Variants in CNTN5 observed in about 807,000 individuals in gnomAD.
The protein encoded by CNTN5 is contactin-5.
A neutral mutation model predicts 129.1 loss-of-function variants in CNTN5; 77 were observed. The ratio of observed to expected loss-of-function variants is 0.60; its 90% CI spans 0.50 to 0.72. The LOEUF is 0.72. Ranked by LOEUF, CNTN5 falls within the 30% of genes least tolerant of loss-of-function variation. CNTN5 has a pLI of 0.00. For synonymous variants in CNTN5, 509 were observed against 465.6 expected, an observed-to-expected ratio of 1.09 and a Z score of -1.20; for missense variants, 1,478 against 1,328.8, an observed-to-expected ratio of 1.11 and a Z score of -1.75.
intron 3 of CNTN5, among the ~76,000 whole-genome samples, chr11:99,601,803 T>A (rs1950320037): frequency 6.6e-6 from 1 of 152,220 alleles, no homozygotes; most frequent in South Asian, 2.1e-4. Flanking sequence ...ACCTGGCAAC[T>A]AGCCATAAAA....
In CNTN5 at chr11:99,805,801, C is replaced by T. The variant is rs185099765; in HGVS notation, c.56-13743C>T. 8.2e-4 allele frequency among the ~76,000 whole-genome samples: 125 copies of T among 152,238 alleles called. 1 individual carries two copies. The highest frequency in any genetic ancestry group is 4.1e-4 in the Non-Finnish European group (28 of 68,000). On this transcript the variant is annotated intron_variant, in intron 3 of 24. Coordinates refer to ENST00000524871, the MANE Select transcript of CNTN5 (RefSeq NM_014361.4). Reference sequence around the variant, plus strand: ...AGGTAGCTGATAAATGTCATTGAGCCTTAGCCACTGACCAACTGTCATTTT... The same window carrying T: ...AGGTAGCTGATAAATGTCATTGAGCTTTAGCCACTGACCAACTGTCATTTT...
At chr11:99,578,532 C>G (rs990436197) in intron 3 of CNTN5, among the ~76,000 whole-genome samples, 30 of 151,016 alleles carry the variant, frequency 2.0e-4, no homozygotes, top group African/African-American at 5.4e-4. Context: ...TAACTGGTGT[C>G]AGATGGTATC....
chr11:99,779,829 A>G lies in CNTN5; in HGVS notation c.56-39715A>G, dbSNP rs1159163689. 3.9e-5 allele frequency among the ~76,000 whole-genome samples: 6 copies of G among 151,998 alleles called. No homozygotes were observed. The South Asian group carries it at 6.2e-4, about 16-fold the overall frequency. ...CTAAGAAATCATAATATGCAGAACT[A>G]TAAGTTCTCAGTGGCTGTGCAATCC... On this transcript the variant is annotated intron_variant, in intron 3 of 24. Coordinates refer to ENST00000524871, the MANE Select transcript of CNTN5 (RefSeq NM_014361.4).
At chr11:99,600,973 T>C (rs1565338379) in intron 3 of CNTN5, among the ~76,000 whole-genome samples, 1 of 152,226 alleles carries the variant, frequency 6.6e-6, no homozygotes, top group African/African-American at 2.4e-5. Flanking sequence ...GCAAATGTAA[T>C]TGGCTTAGGA....
chr11:99,075,815 T>G (rs573843902), intron 1 of CNTN5, among the ~76,000 whole-genome samples: 1 of 152,348 alleles, frequency 6.6e-6, no homozygotes, highest in Non-Finnish European at 1.5e-5. Context: ...TTAAGACTGA[T>G]GTTGCATGCG....
intron 6 of CNTN5, among the ~76,000 whole-genome samples, chr11:99,857,937 C>T (rs867639593): frequency 2.6e-4 from 39 of 151,946 alleles, no homozygotes; most frequent in African/African-American, 9.2e-4. Context: ...AGCAACAAAA[C>T]GTGTTAAGTT....
intron 2 of CNTN5, among the ~76,000 whole-genome samples, chr11:99,385,960 T>A (rs1431155960): frequency 1.3e-5 from 2 of 152,326 alleles, no homozygotes; most frequent in East Asian, 3.9e-4. Flanking sequence ...TTGGAAAGAC[T>A]TAGAGAAATT....
chr11:99,941,451 T>G (rs2136112015), intron 7 of CNTN5, among the ~76,000 whole-genome samples: 1 of 152,170 alleles, frequency 6.6e-6, no homozygotes, highest in Admixed American at 6.6e-5. Context: ...CAGCCACTTT[T>G]TACACTACTG....
intron 16 of CNTN5, among the ~76,000 whole-genome samples, chr11:100,240,356 A>T (rs1949714049): frequency 6.6e-6 from 1 of 152,146 alleles, no homozygotes; most frequent in Admixed American, 6.5e-5. Context: ...ACCGTATGAC[A>T]GCAGTCATCT....
chr11:99,098,539 G>A (rs1364871713), intron 1 of CNTN5, among the ~76,000 whole-genome samples: 3 of 152,022 alleles, frequency 2.0e-5, no homozygotes, highest in Non-Finnish European at 4.4e-5. Flanking sequence ...TCTCTGCTAC[G>A]AGGTTTTCAT....
At chr11:99,955,404 A>G (rs1315277590) in intron 7 of CNTN5, among the ~76,000 whole-genome samples, 2 of 152,056 alleles carry the variant, frequency 1.3e-5, no homozygotes, top group Non-Finnish European at 2.9e-5. Flanking sequence ...AATGTACTGA[A>G]GGCTGTCAAC....
At chr11:99,547,147 T>C (rs368615511) in intron 2 of CNTN5, among the ~76,000 whole-genome samples, 1 of 151,528 alleles carries the variant, frequency 6.6e-6, no homozygotes, top group African/African-American at 2.4e-5. Context: ...GGGATTACAG[T>C]CATGCACCAC....
At chr11:99,610,938 T>C (rs1950575201) in intron 3 of CNTN5, among the ~76,000 whole-genome samples, 1 of 152,092 alleles carries the variant, frequency 6.6e-6, no homozygotes, top group South Asian at 2.1e-4. Context: ...AGACACACAA[T>C]CCTAAGTACC....
intron 18 of CNTN5, among the ~76,000 whole-genome samples, chr11:100,284,434 T>A (rs1465581779): frequency 6.6e-6 from 1 of 152,196 alleles, no homozygotes; most frequent in East Asian, 1.9e-4. Flanking sequence ...ATTTTTGAAA[T>A]CTGTTAATAT....
At chr11:99,281,992 GT>G (rs1413596603) in intron 1 of CNTN5, among the ~76,000 whole-genome samples, 1 of 151,796 alleles carries the variant, frequency 6.6e-6, no homozygotes, top group African/African-American at 2.4e-5. Context: ...TAGTCTATCT[GT>G]GCTCCACCAA....
At chr11:99,038,943 A>G (rs993651488) in intron 1 of CNTN5, among the ~76,000 whole-genome samples, 15 of 152,056 alleles carry the variant, frequency 9.9e-5, no homozygotes, top group Non-Finnish European at 1.3e-4. Flanking sequence ...TAAATCTTAA[A>G]CCTAATTGTT....
chr11:99,308,204 T>C (rs1432137965), intron 1 of CNTN5, among the ~76,000 whole-genome samples: 2 of 152,224 alleles, frequency 1.3e-5, no homozygotes, highest in African/African-American at 4.8e-5. Flanking sequence ...CCTCTTTTTA[T>C]GATACATTTC....
At chr11:99,967,621 G>T (rs1347641156) in intron 8 of CNTN5, among the ~76,000 whole-genome samples, 1 of 152,088 alleles carries the variant, frequency 6.6e-6, no homozygotes, top group Non-Finnish European at 1.5e-5. Context: ...TAATGTCTTG[G>T]AGGGTAATGT....
chr11:100,000,145 C>T (rs1469186425), intron 8 of CNTN5, among the ~76,000 whole-genome samples: 1 of 151,702 alleles, frequency 6.6e-6, no homozygotes, highest in African/African-American at 2.4e-5. Flanking sequence ...TATCCTAAAA[C>T]TTAAAGTATA....
Sources: gnomAD v4.1 joint callset for allele counts (sites outside exome capture counted in the v4.1 genomes callset) on GRCh38, gnomAD v4.1.1 for gene constraint, MANE v1.5 for transcripts, NCBI Gene and HGNC (gene_info 2026-07-23, HGNC 2026-07-21) for gene names.